The following SYNE4 variants were observed in gnomAD, a reference collection of about 807,000 sequenced individuals.
The protein encoded by SYNE4 is spectrin repeat containing nuclear envelope family member 4.
SYNE4 carries 41 observed loss-of-function variants against 46.9 expected under a neutral mutation model. The ratio of observed to expected loss-of-function variants is 0.87; its 90% CI spans 0.68 to 1.13. The LOEUF is 1.13. Among genes scored for constraint, SYNE4 ranks in the 50% most tolerant of loss-of-function variants. The pLI, the probability that SYNE4 is intolerant of heterozygous loss-of-function variation, is 0.00. For synonymous variants in SYNE4, 221 were observed against 219.5 expected (o/e 1.01, Z -0.06); for missense variants, 492 against 514.8 (o/e 0.96, Z 0.43).
At position 36,006,471 on chromosome 19, in the gene SYNE4, A is replaced by C. The variant is rs2285423; in HGVS notation, c.819T>G (p.Cys273Trp). Residue 273 changes from cysteine to tryptophan, a missense_variant, in exon 5 of 8, where the codon TGT becomes TGG. Cys to Trp is a radical substitution (Grantham distance 215). Coordinates refer to ENST00000324444, the MANE Select transcript of SYNE4 (RefSeq NM_001039876.3). ...GGGGCCCCCTCTGGCCACACAGCTC[A>C]CAGGGCACTCCTAGTGTCCGGGCTG... ...QKTARTLGVP[C>W]ELCGQRGPQG... is the part of the protein sequence containing the mutation. 3 of 1,612,640 alleles carry C rather than the reference A, an allele frequency of 1.9e-6. No homozygotes were observed. In the South Asian group the frequency reaches 3.3e-5, roughly 18 times the overall value.
At position 36,008,263 on chromosome 19, in the gene SYNE4, G is replaced by C. The variant is rs761020013; in HGVS notation, c.233C>G (p.Ser78Ter). Residue 78 changes from serine (S) to a stop codon, truncating the protein, a stop_gained, in exon 2 of 8, where the codon TCA becomes TGA. Coordinates refer to ENST00000324444, the MANE Select transcript of SYNE4 (RefSeq NM_001039876.3). LOFTEE classifies it high-confidence loss of function. ...NEPAAHPPRWSTPSSYEDPAG... is the reference protein window; with the variant it reads ...NEPAAHPPRW Reference sequence around the variant, plus strand: ...TGGGTCCTCGTAGGAAGAGGGTGTTGACCATCTCGGGGGGTGAGCGGCAGG... The same window carrying C: ...TGGGTCCTCGTAGGAAGAGGGTGTTCACCATCTCGGGGGGTGAGCGGCAGG... The C allele has an allele frequency of 2.5e-6, 4 of 1,609,394 alleles. No individual in the cohort carries two copies. The highest frequency in any genetic ancestry group is 3.4e-6 in the Non-Finnish European group (4 of 1,177,496).
chr19:36,005,369 T>G lies in SYNE4; in HGVS notation c.936A>C (p.Ala312=). The part of the protein sequence containing the change: ...ESGLGHQKRL[A]RHQRHSLLRK... ...GGAGCAGGGAGTGTCTTTGGTGACG[T>G]GCTAAGCGTTTCTGGTGGCCGAGGC... is the stretch of plus-strand genomic sequence containing the variant. The change falls in exon 6 of 8, where the codon GCA becomes GCC. Residue 312 remains alanine (A), a synonymous_variant. Transcript: ENST00000324444. 6.2e-7 allele frequency: 1 copy of G among 1,614,118 alleles called. No homozygotes were observed. The highest frequency in any genetic ancestry group is 1.1e-5 in the South Asian group (1 of 91,084).
chr19:36,008,803 A>G lies in SYNE4; in HGVS notation c.-122T>C, dbSNP rs1568533146. On this transcript the variant is annotated 5_prime_UTR_variant, in exon 1 of 8. Transcript: ENST00000324444. ...GGGCCTGAGGCTGCAGGAGAGGCCCAGGACAGGTCTGGCTCCGCCCCTTCC... is the reference window on the plus strand; with the variant it reads ...GGGCCTGAGGCTGCAGGAGAGGCCCGGGACAGGTCTGGCTCCGCCCCTTCC... The G allele has an allele frequency of 3.0e-5, 43 of 1,441,024 alleles. No individual in the cohort carries two copies. The highest frequency in any genetic ancestry group is 3.5e-5 in the Non-Finnish European group (38 of 1,100,480). The allele number at this position is 1,441,024 out of a possible 1,614,324, so 89.3% of individuals were successfully genotyped here. A position where few individuals can be genotyped will look rare whatever the true frequency, so the allele number is the denominator to read the frequency against.
chr19:36,007,993 C>G (rs1968433682), intron 2 of SYNE4, among the ~76,000 whole-genome samples: 1 of 151,766 alleles, frequency 6.6e-6, no homozygotes. Context: ...CCACTGCATT[C>G]CAGCCTAGGT....
intron 2 of SYNE4, 102 bp downstream of exon 2, chr19:36,008,115 A>G: frequency 7.7e-6 from 11 of 1,430,972 alleles, no homozygotes; most frequent in Non-Finnish European, 1.0e-5. Context: ...GACACCCAAC[A>G]CCTTTCCAGA....
In SYNE4 at chr19:36,006,542, C is replaced by T. The variant is rs779435197; in HGVS notation, c.748G>A (p.Asp250Asn). The T allele has an allele frequency of 6.2e-7, 1 of 1,607,198 alleles. No homozygotes were observed. The highest frequency in any genetic ancestry group is 1.1e-5 in the South Asian group (1 of 90,000). ...SLPTSTELEW[D>N]PAGDIGGLGP... is the part of the protein sequence containing the mutation. The stretch of plus-strand genomic sequence containing the variant: ...AGGCCCCCAATGTCCCCCGCCGGAT[C>T]CCACTCCAACTCTGTGGAAGTGGGG... Residue 250 changes from aspartate to asparagine, a missense_variant, in exon 5 of 8, where the codon GAT (aspartate) becomes AAT (asparagine). Physicochemically the swap from Asp to Asn is conservative, Grantham distance 23 (BLOSUM62 1). Transcript: ENST00000324444.
At chr19:36,008,393 G>A (rs1283937045) in intron 1 of SYNE4, 26 bp from the exon 2 acceptor site, 2 of 1,559,346 alleles carry the variant, frequency 1.3e-6, no homozygotes, top group African/African-American at 2.7e-5. Context: ...CGGTGACTGG[G>A]TGAGTCTCGA....
chr19:36,004,592 A>G (rs932851371), intron 6 of SYNE4, among the ~76,000 whole-genome samples: 1 of 152,118 alleles, frequency 6.6e-6, no homozygotes, highest in Admixed American at 6.5e-5. Context: ...CACCTCCCCA[A>G]CTTCCATGAT....
In SYNE4 at chr19:36,008,304, C is replaced by T. The variant is rs760780970; in HGVS notation, c.192G>A (p.Gly64=). ...SLGPPEHFQG[G]PRGNEPAAHP... Reference sequence around the variant, plus strand: ...GAGCGGCAGGCTCATTGCCCCTTGGCCCACCCTGGAAGTGCTCAGGAGGGC... The same window carrying T: ...GAGCGGCAGGCTCATTGCCCCTTGGTCCACCCTGGAAGTGCTCAGGAGGGC... The change falls in exon 2 of 8, where the codon GGG becomes GGA. Residue 64 remains glycine, a synonymous_variant. Coordinates refer to ENST00000324444, the MANE Select transcript of SYNE4 (RefSeq NM_001039876.3). The T allele has an allele frequency of 4.4e-6, 7 of 1,589,488 alleles. No individual in the cohort carries two copies. The highest frequency in any genetic ancestry group is 6.0e-6 in the Non-Finnish European group (7 of 1,167,120).
chr19:36,008,114 C>T, intron 2 of SYNE4, 103 bp downstream of exon 2: 1 of 1,429,346 alleles, frequency 7.0e-7, no homozygotes, highest in Non-Finnish European at 9.2e-7. Context: ...AGACACCCAA[C>T]ACCTTTCCAG....
chr19:36,006,072 G>T, intron 5 of SYNE4: 1 of 258,134 alleles, frequency 3.9e-6, no homozygotes, highest in Non-Finnish European at 7.3e-6. Flanking sequence ...TCAAGCTGTG[G>T]TGAGTGCTGT....
At position 36,004,972 on chromosome 19, in the gene SYNE4, G is replaced by C. The variant is rs1473129645; in HGVS notation, c.972+361C>G. Among the ~76,000 whole-genome samples the C allele has an allele frequency of 2.0e-5, 3 of 149,052 alleles. No individual in the cohort carries two copies. In the East Asian group the frequency reaches 6.0e-4, roughly 30 times the overall value. On this transcript the variant is annotated intron_variant, in intron 6 of 7. Transcript: ENST00000324444. Reference sequence around the variant, plus strand: ...GGCTCACCGCAACCTCCGCCTCCCGGGCTCAAGCGATTCTCCTCCTGAGTA... The same window carrying C: ...GGCTCACCGCAACCTCCGCCTCCCGCGCTCAAGCGATTCTCCTCCTGAGTA...
intron 5 of SYNE4, 78 bp downstream of exon 5, chr19:36,006,345 G>A: frequency 6.7e-7 from 1 of 1,494,370 alleles, no homozygotes; most frequent in Middle Eastern, 2.5e-4. Context: ...CCTTGGAAGG[G>A]CAGGATCTTG....
intron 5 of SYNE4, chr19:36,005,918 C>A: frequency 6.4e-6 from 1 of 156,972 alleles, no homozygotes; most frequent in Non-Finnish European, 1.4e-5. Context: ...ACTCGGGAGG[C>A]CGAGGTAGGA....
intron 2 of SYNE4, chr19:36,007,472 C>T: frequency 1.0e-6 from 1 of 985,354 alleles, no homozygotes; most frequent in African/African-American, 1.7e-5. Flanking sequence ...TTCAAGGTCT[C>T]CAGGTTTTCA....
At chr19:36,006,973 A>G (rs772215296) in intron 3 of SYNE4, 29 bp from the exon 4 acceptor site, 14 of 1,536,572 alleles carry the variant, frequency 9.1e-6, no homozygotes, top group Non-Finnish European at 1.2e-5. Context: ...CACCCCACGC[A>G]CACACCAGGG....
chr19:36,007,583 G>A, intron 2 of SYNE4: 1 of 985,366 alleles, frequency 1.0e-6, no homozygotes, highest in Non-Finnish European at 1.2e-6. Flanking sequence ...GAGCAATGAT[G>A]AAATGCTTCT....
intron 2 of SYNE4, chr19:36,007,503 G>A (rs1185056880): frequency 2.0e-5 from 20 of 985,198 alleles, no homozygotes; most frequent in Non-Finnish European, 2.4e-5. Context: ...AAACTTGGAT[G>A]TGTGAGGCCT....
In SYNE4 at chr19:36,006,514, CCAA is replaced by C. The variant is rs1976857324; in HGVS notation, c.773_775del (p.Leu258_Gly259delinsArg). On this transcript the variant is annotated inframe_deletion, in exon 5 of 8. Coordinates refer to ENST00000324444, the MANE Select transcript of SYNE4 (RefSeq NM_001039876.3). ...CCGGGCTGTCTTTTGTCCCAAGGGC[CCAA>C]GGCCCCCAATGTCCCCCGCCGGATC... 6.2e-7 allele frequency: 1 copy of C among 1,609,296 alleles called. No homozygotes were observed. Among genetic ancestry groups the C allele is most frequent in the African/African-American group, 1.3e-5 (1 of 74,800 alleles).
Sources: allele counts gnomAD v4.1 joint callset (sites outside exome capture counted in the v4.1 genomes callset), GRCh38; gene constraint gnomAD v4.1.1; transcripts MANE v1.5; gene names NCBI Gene and HGNC (gene_info 2026-07-23, HGNC 2026-07-21).